CARMIL3: variants seen among roughly 807,000 people sequenced by gnomAD.
The protein encoded by CARMIL3 is capping protein regulator and myosin 1 linker 3, also known as capping protein, Arp2/3 and myosin-I linker protein 3.
A neutral mutation model predicts 180.8 loss-of-function variants in CARMIL3; 88 were observed. That is an observed-to-expected ratio of 0.49 (90% CI 0.41 to 0.58). CARMIL3 has a LOEUF of 0.58. CARMIL3 is among the 20% of genes least tolerant of loss of function. The probability of loss-of-function intolerance (pLI) is 0.00; values close to 1 mark genes in which losing one functional copy is unlikely to be tolerated. For synonymous variants in CARMIL3, 696 were observed against 714.5 expected (o/e 0.97, Z 0.41); for missense variants, 1,548 against 1,787.0 (o/e 0.87, Z 2.41).
rs780598927 is a variant in CARMIL3 at position 24,062,853 on chromosome 14, C to T, written c.2706+7C>T. On this transcript the variant is annotated splice_region_variant and intron_variant, in intron 29 of 39. Transcript: ENST00000342740. ...TGAACTTGGGACCAACATTGTGAGC[C>T]CCCCGCTCCCTGCTCCTCCTTAATA... 1 of 1,598,964 alleles carries T rather than the reference C, an allele frequency of 6.3e-7. No homozygotes were observed.
In CARMIL3 at chr14:24,054,473, T is replaced by A; in HGVS notation, c.324T>A (p.His108Gln). The A allele has an allele frequency of 6.2e-7, 1 of 1,614,134 alleles. No individual in the cohort carries two copies. Among genetic ancestry groups the A allele is most frequent in the Non-Finnish European group, 8.5e-7 (1 of 1,180,024 alleles). Reference sequence around the variant, plus strand: ...AAAGTGTGGACCAGGTGACACGACATGTGAGCTCTGCCCTGTCCAAGGTCT... The same window carrying A: ...AAAGTGTGGACCAGGTGACACGACAAGTGAGCTCTGCCCTGTCCAAGGTCT... Reference protein sequence around the residue: ...SAESVDQVTRHVSSALSKVCP... With the variant: ...SAESVDQVTRQVSSALSKVCP... Residue 108 changes from histidine to glutamine, a missense_variant, in exon 5 of 40, where the codon CAT (histidine) becomes CAA (glutamine). His to Gln is a conservative substitution (Grantham distance 24). Transcript: ENST00000342740. This position sits in a 1 kb window ranked among gnomAD's most constrained non-coding sequence, Gnocchi z 5.1.
rs1951636 is a variant in CARMIL3, at chr14:24,060,611, C to G, written c.2062-17C>G. ...GGAAGCAGGGGTCCCCTTGACACCC[C>G]TGCCACTGTGCTCCAGATGCTGCAG... On this transcript the variant is annotated splice_polypyrimidine_tract_variant and intron_variant, in intron 24 of 39. Transcript: ENST00000342740. 332,303 of 1,612,314 alleles carry G rather than the reference C, an allele frequency of 0.21. 36,127 individuals carry two copies. Among genetic ancestry groups the G allele is most frequent in the East Asian group, 0.38 (16,860 of 44,834 alleles).
Position 24,054,542 on chromosome 14 carries a change from A to T in CARMIL3, c.362+31A>T. The T allele has an allele frequency of 6.3e-7, 1 of 1,596,690 alleles. No individual in the cohort carries two copies. Among genetic ancestry groups the T allele is most frequent in the Non-Finnish European group, 8.6e-7 (1 of 1,165,788 alleles). ...TGGCAAATAAGGGGTCTCTTAAGGC[A>T]TTAGATGAGAGGGAGAGTTCATCCC... is the stretch of plus-strand genomic sequence containing the variant. On this transcript the variant is annotated intron_variant, in intron 5 of 39. Coordinates refer to ENST00000342740, the MANE Select transcript of CARMIL3 (RefSeq NM_138360.4). The surrounding 1 kb of genome is among the most constrained non-coding windows in gnomAD (Gnocchi z 5.1).
rs777007410 is a variant in CARMIL3 at position 24,060,219 on chromosome 14, G to A, written c.2025G>A (p.Arg675=). 66 of 1,614,048 alleles carry A rather than the reference G, an allele frequency of 4.1e-5. No homozygotes were observed. Among genetic ancestry groups the A allele is most frequent in the Non-Finnish European group, 5.6e-5 (66 of 1,180,040 alleles). Residue 675 remains arginine (R), a synonymous_variant, in exon 24 of 40, where the codon AGG becomes AGA. Coordinates refer to ENST00000342740, the MANE Select transcript of CARMIL3 (RefSeq NM_138360.4). ...SQTCPQEQAF[R]LQQGLVTSSA... is the part of the protein sequence containing the mutation. ...CGTGCCCCCAGGAGCAGGCCTTCAGGTTGCAGCAGGGCCTGGTGACCAGCA... is the reference window on the plus strand; with the variant it reads ...CGTGCCCCCAGGAGCAGGCCTTCAGATTGCAGCAGGGCCTGGTGACCAGCA...
chr14:24,068,682 C>T lies in CARMIL3; in HGVS notation c.3781C>T (p.Leu1261Phe). The change falls in exon 37 of 40, where the codon CTT (leucine) becomes TTT (phenylalanine). Residue 1261 changes from leucine (L) to phenylalanine (F), a missense_variant. By Grantham distance (22) the Leu-to-Phe change is conservative. Coordinates refer to ENST00000342740, the MANE Select transcript of CARMIL3 (RefSeq NM_138360.4). ...KEGTLFPERT[L>F]PARNAKLQDP... ...GGGGACCCTCTTCCCAGAGAGGACA[C>T]TTCCAGCTAGGAATGCCAAGGTGAG... The T allele has an allele frequency of 6.2e-7, 1 of 1,613,774 alleles. No individual in the cohort carries two copies. The highest frequency in any genetic ancestry group is 8.5e-7 in the Non-Finnish European group (1 of 1,179,824).
chr14:24,055,874 T>G, intron 10 of CARMIL3, 85 bp downstream of exon 10: 1 of 1,235,118 alleles, frequency 8.1e-7, no homozygotes, highest in Non-Finnish European at 1.2e-6. Flanking sequence ...TGCAGGCCTC[T>G]GGACTATCTT....
chr14:24,066,376 A>G (rs1594555035), intron 34 of CARMIL3, 22 bp from the exon 35 acceptor site: 1 of 1,613,080 alleles, frequency 6.2e-7, no homozygotes, highest in East Asian at 2.2e-5. Context: ...CTTTCTTACA[A>G]CCTGACCCAC....
intron 1 of CARMIL3, 38 bp from the exon 2 acceptor site, chr14:24,053,663 GGCCAGGGT>G: frequency 2.7e-6 from 4 of 1,460,450 alleles, no homozygotes; most frequent in Non-Finnish European, 3.8e-6. Flanking sequence ...AGGTGGGGGT[GGCCAGGGT>G]AAGGTGAAGC....
In CARMIL3 at chr14:24,055,764, G is replaced by T; in HGVS notation, c.745G>T (p.Val249Leu). Residue 249 changes from valine (V) to leucine (L), a missense_variant, in exon 10 of 40, where the codon GTG (valine) becomes TTG (leucine). By Grantham distance (32) the Val-to-Leu change is conservative. Around this residue, in one of 4 missense-constraint regions of CARMIL3, gnomAD observed 578 missense variants for 666.5 expected, o/e 0.87. Coordinates refer to ENST00000342740, the MANE Select transcript of CARMIL3 (RefSeq NM_138360.4). ...CAAGTCGGGGAGCCTCGAAGAGCTG[G>T]TGCTGGACAACGCCGGGCTTAAGAC... ...LSKSGSLEEL[V>L]LDNAGLKTDF... The T allele has an allele frequency of 6.2e-7, 1 of 1,614,100 alleles. No individual in the cohort carries two copies. Among genetic ancestry groups the T allele is most frequent in the Non-Finnish European group, 8.5e-7 (1 of 1,179,998 alleles).
chr14:24,064,227 G>A lies in CARMIL3; in HGVS notation c.2980-19G>A, dbSNP rs577712054. On this transcript the variant is annotated intron_variant, in intron 31 of 39. Transcript: ENST00000342740. ...TCCTGACCTAGATGAGATGTCCCACGGGACTTTCCTCCCAGCAGATGCCAG... is the reference window on the plus strand; with the variant it reads ...TCCTGACCTAGATGAGATGTCCCACAGGACTTTCCTCCCAGCAGATGCCAG... 6 of 1,594,962 alleles carry A rather than the reference G, an allele frequency of 3.8e-6. No homozygotes were observed. In the East Asian group the frequency reaches 6.7e-5, roughly 18 times the overall value.
In CARMIL3 at chr14:24,068,886, C is replaced by T; in HGVS notation, c.3902C>T (p.Ala1301Val). Residue 1301 changes from alanine to valine, a missense_variant, in exon 38 of 40, where the codon GCT becomes GTT. Ala to Val is a moderately conservative substitution (Grantham distance 64). Around this residue, in one of 4 missense-constraint regions of CARMIL3, gnomAD observed 668 missense variants for 687.8 expected, o/e 0.97. Transcript: ENST00000342740. ...CCAGGGGTCAGGGAGGAGGCTGAGG[C>T]TGGAGATGCAGCTCCAGGAGTCAAC... ...QEPGVREEAE[A>V]GDAAPGVNKP... 6.2e-7 allele frequency: 1 copy of T among 1,609,030 alleles called. No individual in the cohort carries two copies. The highest frequency in any genetic ancestry group is 8.5e-7 in the Non-Finnish European group (1 of 1,177,894).
At chr14:24,060,398 A>C in intron 24 of CARMIL3, 143 bp downstream of exon 24, 2 of 1,101,684 alleles carry the variant, frequency 1.8e-6, no homozygotes, top group Non-Finnish European at 2.6e-6. Flanking sequence ...GCAAAAAGAG[A>C]GGACATGCAG....
chr14:24,064,030 G>C (rs965407970), intron 31 of CARMIL3, among the ~76,000 whole-genome samples: 12 of 150,244 alleles, frequency 8.0e-5, no homozygotes, highest in African/African-American at 1.7e-4. Flanking sequence ...GGAGGCGGAG[G>C]TTGCAGTGAG....
At chr14:24,066,771 G>T in intron 36 of CARMIL3, 115 bp downstream of exon 36, 2 of 1,023,780 alleles carry the variant, frequency 2.0e-6, no homozygotes, top group Non-Finnish European at 2.9e-6. Flanking sequence ...GCAGTGAGAA[G>T]TCAACACAGT....
intron 27 of CARMIL3, chr14:24,062,206 G>A (rs1378353968): frequency 1.1e-5 from 6 of 546,552 alleles, no homozygotes; most frequent in South Asian, 1.1e-4. Context: ...GGGGCTCCAG[G>A]GGCCTGACCT....
Position 24,065,248 on chromosome 14 carries a change from G to A in CARMIL3, c.3371G>A (p.Arg1124Gln), listed in dbSNP as rs190212219. The change falls in exon 33 of 40, where the codon CGG becomes CAG. Residue 1124 changes from arginine to glutamine, a missense_variant. Transcript: ENST00000342740. ...SSLLPGFGGGRGPSFRRKMGT... is the reference protein window; with the variant it reads ...SSLLPGFGGGQGPSFRRKMGT... ...CTCCTCCCTGGATTTGGTGGGGGCC[G>A]GGGACCTTCCTTCCGCCGGAAGATG... The A allele has an allele frequency of 3.5e-5, 54 of 1,542,196 alleles. No individual in the cohort carries two copies. The Admixed American group carries it at 5.5e-4, about 16-fold the overall frequency.
rs184623010 is a variant in CARMIL3, at chr14:24,059,552, A to G, written c.1799+110A>G. 1,731 of 1,514,300 alleles carry G rather than the reference A, an allele frequency of 1.1e-3. 28 individuals are homozygous for G. In the Admixed American group the frequency reaches 0.026, roughly 23 times the overall value. 93.8% of individuals were successfully genotyped at this position (1,514,300 alleles called of 1,614,324 possible). A position where few individuals can be genotyped will look rare whatever the true frequency, so the allele number is the denominator to read the frequency against. On this transcript the variant is annotated intron_variant, in intron 21 of 39. Transcript: ENST00000342740. This position sits in a 1 kb window ranked among gnomAD's most constrained non-coding sequence, Gnocchi z 6.3. ...GGACCCCAGCTTCCAGAAGACCCCC[A>G]GCCCCAGAACCATCTCTGAGTCAGC...
At chr14:24,056,219 C>A in intron 10 of CARMIL3, 80 bp from the exon 11 acceptor site, 1 of 1,167,220 alleles carries the variant, frequency 8.6e-7, no homozygotes, top group Non-Finnish European at 1.2e-6. Context: ...GCCAGGCAGT[C>A]AGGTAGAGGA....
chr14:24,053,752 A>G lies in CARMIL3; in HGVS notation c.84A>G (p.Gln28=). The change falls in exon 2 of 40, where the codon CAA becomes CAG. Residue 28 remains glutamine (Q), a synonymous_variant. Transcript: ENST00000342740. The part of the protein sequence containing the change: ...RCLSQGAVLQ[Q]HHVKLETKPK... Reference sequence around the variant, plus strand: ...TGAGCCAAGGGGCCGTGCTCCAACAACATCATGTGAAGTTGGAGACAAAGC... The same window carrying G: ...TGAGCCAAGGGGCCGTGCTCCAACAGCATCATGTGAAGTTGGAGACAAAGC... 1 of 1,613,700 alleles carries G rather than the reference A, an allele frequency of 6.2e-7. No individual in the cohort carries two copies. Among genetic ancestry groups the G allele is most frequent in the East Asian group, 2.2e-5 (1 of 44,876 alleles).
Sources: allele counts gnomAD v4.1 joint callset (sites outside exome capture counted in the v4.1 genomes callset), GRCh38; gene constraint gnomAD v4.1.1; regional missense constraint gnomAD v4.1.1; non-coding constraint Gnocchi (gnomAD v3.1); transcripts MANE v1.5; gene names NCBI Gene and HGNC (gene_info 2026-07-23, HGNC 2026-07-21).